Variants in AP4S1 observed in about 807,000 individuals in gnomAD.
The protein encoded by AP4S1 is AP-4 complex subunit sigma-1.
Under a neutral mutation model 19.8 loss-of-function variants are expected in AP4S1, and 23 were observed. The ratio of observed to expected loss-of-function variants is 1.16; its 90% CI spans 0.84 to 1.65. AP4S1 has a LOEUF of 1.65. Among genes scored for constraint, AP4S1 ranks in the 40% most tolerant of loss-of-function variants. The pLI is 0.00. For synonymous variants in AP4S1, 46 were observed against 54.1 expected (o/e 0.85, Z 0.66); for missense variants, 166 against 172.8 (o/e 0.96, Z 0.22).
intron 5 of AP4S1, 123 bp downstream of exon 5, chr14:31,080,707 T>A: frequency 2.9e-6 from 4 of 1,382,382 alleles, no homozygotes; most frequent in Middle Eastern, 1.8e-4. Flanking sequence ...CCAACAACTA[T>A]GACAAGACAG....
At chr14:31,060,982 C>G (rs569562895) in intron 1 of AP4S1, among the ~76,000 whole-genome samples, 1 of 151,990 alleles carries the variant, frequency 6.6e-6, no homozygotes, top group South Asian at 2.1e-4. Flanking sequence ...CTCCGCCTCC[C>G]GGGTTCAAAC....
chr14:31,037,788 A>T (rs1359677099), intron 1 of AP4S1, among the ~76,000 whole-genome samples: 3 of 152,130 alleles, frequency 2.0e-5, no homozygotes, highest in African/African-American at 7.2e-5. Flanking sequence ...TGTCTCTACA[A>T]AAAAATAAGA....
At chr14:31,077,147 G>A (rs1887403616) in intron 4 of AP4S1, among the ~76,000 whole-genome samples, 1 of 152,090 alleles carries the variant, frequency 6.6e-6, no homozygotes, top group African/African-American at 2.4e-5. Context: ...ATGTTGGTCA[G>A]GCTCGTCTCG....
intron 1 of AP4S1, among the ~76,000 whole-genome samples, chr14:31,058,513 ATC>A (rs201254703): frequency 1.6e-5 from 2 of 123,202 alleles, no homozygotes; most frequent in South Asian, 2.7e-4. Context: ...CATCTTCCCC[ATC>A]TCTGTGTGTG....
chr14:31,082,321 C>G (rs1887679083), intron 5 of AP4S1, among the ~76,000 whole-genome samples: 1 of 152,172 alleles, frequency 6.6e-6, no homozygotes, highest in African/African-American at 2.4e-5. Flanking sequence ...TATTTTCACT[C>G]AGCATGGTCT....
At chr14:31,047,735 G>A (rs1268409590) in intron 1 of AP4S1, among the ~76,000 whole-genome samples, 1 of 152,132 alleles carries the variant, frequency 6.6e-6, no homozygotes, top group African/African-American at 2.4e-5. Flanking sequence ...CTGGATTGCA[G>A]TAGTGCAGTC....
intron 5 of AP4S1, chr14:31,084,916 T>C (rs1476475144): frequency 2.5e-6 from 4 of 1,613,930 alleles, no homozygotes; most frequent in Non-Finnish European, 3.4e-6. Flanking sequence ...AACAGCACAG[T>C]ATGGGAGACA....
intron 1 of AP4S1, among the ~76,000 whole-genome samples, chr14:31,043,441 G>A (rs1036957280): frequency 2.6e-5 from 4 of 152,266 alleles, no homozygotes; most frequent in South Asian, 2.1e-4. Flanking sequence ...AATGGAACAG[G>A]TACAGGAAGA....
At position 31,092,732 on chromosome 14, in the gene AP4S1, T is replaced by A. The variant is rs8014654; in HGVS notation, c.307-175T>A. On this transcript the variant is annotated intron_variant, in intron 5 of 5. Coordinates refer to ENST00000542754, the MANE Select transcript of AP4S1 (RefSeq NM_001128126.3). Reference sequence around the variant, plus strand: ...CAAGGTGAAACTAGGTATGTATATATGAAGGTAACAATTTCTAATATGGAT... The same window carrying A: ...CAAGGTGAAACTAGGTATGTATATAAGAAGGTAACAATTTCTAATATGGAT... Among the ~76,000 whole-genome samples, 847 of 152,312 alleles carry A rather than the reference T, an allele frequency of 5.6e-3. 2 individuals are homozygous for A. The highest frequency in any genetic ancestry group is 8.0e-3 in the Non-Finnish European group (541 of 68,030).
At chr14:31,087,079 T>A (rs909342914) in intron 5 of AP4S1, among the ~76,000 whole-genome samples, 82 of 152,258 alleles carry the variant, frequency 5.4e-4, no homozygotes, top group African/African-American at 9.9e-4. Context: ...AAAAATTTTT[T>A]AAAATAAAAA....
Position 31,093,316 on chromosome 14 carries a change from G to C in AP4S1, c.*281G>C, listed in dbSNP as rs1036418711. 4.1e-6 allele frequency: 1 copy of C among 246,838 alleles called. No individual in the cohort carries two copies. Among genetic ancestry groups the C allele is most frequent in the African/African-American group, 2.3e-5 (1 of 43,232 alleles). The allele number at this position is 246,838 out of a possible 1,614,324, so 15.3% of individuals were successfully genotyped here. On this transcript the variant is annotated 3_prime_UTR_variant, in exon 6 of 6. Transcript: ENST00000542754. Reference sequence around the variant, plus strand: ...CTTTAAATTCTGTTGAGCACCTAAGGAACCCTTCTTGGTCTATGCTTCTTT... The same window carrying C: ...CTTTAAATTCTGTTGAGCACCTAAGCAACCCTTCTTGGTCTATGCTTCTTT...
At chr14:31,070,925 G>A (rs914947905) in intron 3 of AP4S1, among the ~76,000 whole-genome samples, 31 of 152,080 alleles carry the variant, frequency 2.0e-4, no homozygotes, top group Admixed American at 6.6e-5. Flanking sequence ...GGTGGCGGGC[G>A]CCTGTAGTCC....
At chr14:31,081,009 C>T (rs1225026325) in intron 5 of AP4S1, among the ~76,000 whole-genome samples, 1 of 152,156 alleles carries the variant, frequency 6.6e-6, no homozygotes, top group East Asian at 1.9e-4. Context: ...CCAGGCTGGT[C>T]TTGAACTCCT....
Position 31,095,255 on chromosome 14 carries a change from A to C in AP4S1, c.*2220A>C, listed in dbSNP as rs926306901. ...ATGTACCTAACAAAGATGCAGAGTT[A>C]AATTTTATTTGCCAGTTTGTAAAAG... On this transcript the variant is annotated 3_prime_UTR_variant, in exon 6 of 6. Coordinates refer to ENST00000542754, the MANE Select transcript of AP4S1 (RefSeq NM_001128126.3). 6.6e-6 allele frequency: 1 copy of C among 152,268 alleles called. No homozygotes were observed. Among genetic ancestry groups the C allele is most frequent in the Admixed American group, 6.5e-5 (1 of 15,282 alleles). The allele number at this position is 152,268 out of a possible 1,614,324, so 9.4% of individuals were successfully genotyped here. A position where few individuals can be genotyped will look rare whatever the true frequency, so the allele number is the denominator to read the frequency against.
chr14:31,067,265 T>A lies in AP4S1; in HGVS notation c.138+931T>A, dbSNP rs192137329. Among the ~76,000 whole-genome samples the A allele has an allele frequency of 3.9e-5, 6 of 152,012 alleles. No individual in the cohort carries two copies. In the East Asian group the frequency reaches 5.8e-4, roughly 15 times the overall value. ...TTTTAAAACTGCGTCCTTTTTTTTT[T>A]AATTTAATAGTTTTTTTTTATTATA... On this transcript the variant is annotated intron_variant, in intron 2 of 5. Coordinates refer to ENST00000542754, the MANE Select transcript of AP4S1 (RefSeq NM_001128126.3).
intron 1 of AP4S1, among the ~76,000 whole-genome samples, chr14:31,044,879 T>C (rs1401544235): frequency 6.6e-6 from 1 of 152,070 alleles, no homozygotes; most frequent in Non-Finnish European, 1.5e-5. Flanking sequence ...CAGTATATTC[T>C]TTATTTTAAA....
rs1211552894 is a variant in AP4S1 at position 31,062,749 on chromosome 14, C to T, written c.-71-3377C>T. On this transcript the variant is annotated intron_variant, in intron 1 of 5. Transcript: ENST00000542754. ...GTGGGAGGCCAAGGTAGGCGGATCA[C>T]GAGGTCAGGAGATCAAGACCATCCT... Among the ~76,000 whole-genome samples the T allele has an allele frequency of 3.3e-5, 5 of 151,410 alleles. No individual in the cohort carries two copies. In the East Asian group the frequency reaches 7.9e-4, roughly 24 times the overall value.
At chr14:31,083,923 G>A (rs1566545977) in intron 5 of AP4S1, among the ~76,000 whole-genome samples, 1 of 152,194 alleles carries the variant, frequency 6.6e-6, no homozygotes, top group Non-Finnish European at 1.5e-5. Flanking sequence ...GCAGAAAGAT[G>A]AGGGGATCTT....
At chr14:31,027,912 T>C (rs1884130808) in intron 1 of AP4S1, among the ~76,000 whole-genome samples, 1 of 152,116 alleles carries the variant, frequency 6.6e-6, no homozygotes, top group African/African-American at 2.4e-5. Flanking sequence ...CATTGAAAAT[T>C]TGTTACTTTT....
Sources: allele counts gnomAD v4.1 joint callset (sites outside exome capture counted in the v4.1 genomes callset), GRCh38; gene constraint gnomAD v4.1.1; transcripts MANE v1.5; gene names NCBI Gene and HGNC (gene_info 2026-07-23, HGNC 2026-07-21).